Variants in STMN2 observed in about 807,000 individuals in gnomAD.
STMN2 encodes stathmin-2.
STMN2 carries 2 observed loss-of-function variants against 24.1 expected under a neutral mutation model. The ratio of observed to expected loss-of-function variants is 0.08; its 90% CI spans 0.03 to 0.26. STMN2 has a LOEUF of 0.26. STMN2 is among the 10% of genes least tolerant of loss of function. The pLI, the probability that STMN2 is intolerant of heterozygous loss-of-function variation, is 1.00. For missense variants in STMN2, 114 were observed against 213.6 expected, an observed-to-expected ratio of 0.53 and a Z score of 2.91; for synonymous variants, 83 against 77.5, an observed-to-expected ratio of 1.07 and a Z score of -0.37.
intron 3 of STMN2, among the ~76,000 whole-genome samples, chr8:79,648,300 A>G (rs1167247167): frequency 6.6e-6 from 1 of 152,200 alleles, no homozygotes; most frequent in Non-Finnish European, 1.5e-5. Flanking sequence ...CAATAAAGAC[A>G]TATAACCAGC....
At chr8:79,645,847 A>T (rs1585900745) in intron 3 of STMN2, among the ~76,000 whole-genome samples, 2 of 152,328 alleles carry the variant, frequency 1.3e-5, no homozygotes. Flanking sequence ...CACCTAGCAC[A>T]ATTAGTAAGT....
At chr8:79,625,003 CTT>C (rs1809617864) in intron 1 of STMN2, among the ~76,000 whole-genome samples, 1 of 152,154 alleles carries the variant, frequency 6.6e-6, no homozygotes, top group African/African-American at 2.4e-5. Context: ...TTTTACAGCA[CTT>C]TGAGACATGT....
intron 1 of STMN2, among the ~76,000 whole-genome samples, chr8:79,619,444 T>A (rs1270635880): frequency 2.6e-5 from 4 of 152,194 alleles, no homozygotes; most frequent in Non-Finnish European, 5.9e-5. Context: ...AAACCTATTA[T>A]AATAATAGTT....
At chr8:79,614,511 G>A (rs2130290603) in intron 1 of STMN2, among the ~76,000 whole-genome samples, 1 of 152,334 alleles carries the variant, frequency 6.6e-6, no homozygotes, top group African/African-American at 2.4e-5. Flanking sequence ...TGAGTAAGCT[G>A]AGCCTGCAAT....
At chr8:79,643,206 G>GGAACCT (rs1401156698) in intron 3 of STMN2, among the ~76,000 whole-genome samples, 1 of 142,626 alleles carries the variant, frequency 7.0e-6, no homozygotes, top group East Asian at 2.0e-4. Flanking sequence ...TTAAAAAACA[G>GGAACCT]GAACCTGAGC....
intron 1 of STMN2, among the ~76,000 whole-genome samples, chr8:79,635,917 A>AAAAG (rs1042109050): frequency 7.2e-5 from 11 of 152,132 alleles, no homozygotes; most frequent in East Asian, 1.9e-4. Context: ...AATTAAAAAA[A>AAAAG]AAAGAAAGAA....
chr8:79,621,531 C>G lies in STMN2; in HGVS notation c.19+10317C>G, dbSNP rs552812311. On this transcript the variant is annotated intron_variant, in intron 1 of 4. Coordinates refer to ENST00000220876, the MANE Select transcript of STMN2 (RefSeq NM_007029.4). Reference sequence around the variant, plus strand: ...TTGTGATTAGAACCCACCTGGCCAGCCCTTCTTCCTCCTAAAGAAGAGCCT... The same window carrying G: ...TTGTGATTAGAACCCACCTGGCCAGGCCTTCTTCCTCCTAAAGAAGAGCCT... Among the ~76,000 whole-genome samples the G allele has an allele frequency of 6.6e-5, 10 of 152,320 alleles. No individual in the cohort carries two copies. The East Asian group carries it at 1.7e-3, about 26-fold the overall frequency.
At position 79,641,471 on chromosome 8, in the gene STMN2, C is replaced by G; in HGVS notation, c.209C>G (p.Thr70Ser). The change falls in exon 3 of 5, where the codon ACT (threonine) becomes AGT (serine). Residue 70 changes from threonine to serine, a missense_variant. By Grantham distance (58) the Thr-to-Ser change is moderately conservative (BLOSUM62 1). Coordinates refer to ENST00000220876, the MANE Select transcript of STMN2 (RefSeq NM_007029.4). ...PPSPISEAPR[T>S]LASPKKKDLS... ...TCTCCTATCTCAGAAGCCCCACGAA[C>G]TTTAGCTTCTCCAAAGAAGAAAGAC... 6.2e-7 allele frequency: 1 copy of G among 1,614,090 alleles called. No homozygotes were observed.
chr8:79,646,142 A>T (rs953691205), intron 3 of STMN2, among the ~76,000 whole-genome samples: 2 of 152,082 alleles, frequency 1.3e-5, no homozygotes, highest in African/African-American at 2.4e-5. Context: ...CCACCCTCCC[A>T]TCCTAAAACA....
intron 3 of STMN2, 24 bp downstream of exon 3, chr8:79,641,574 TTC>T: frequency 6.3e-7 from 1 of 1,593,678 alleles, no homozygotes; most frequent in Non-Finnish European, 8.5e-7. Context: ...TAGGTTTTCC[TTC>T]TCTCTCTCCC....
chr8:79,656,106 TCA>T (rs1253030199), intron 4 of STMN2, among the ~76,000 whole-genome samples: 20 of 152,214 alleles, frequency 1.3e-4, no homozygotes, highest in Admixed American at 1.3e-3. Context: ...GTTTTCATTC[TCA>T]GTCTCTGACT....
chr8:79,654,854 A>G lies in STMN2; in HGVS notation c.289-17A>G. ...GTGTTTGGATAATTATAAGATGGCT[A>G]TGTTTTTCTTCCCCAGTCTCAGGAG... On this transcript the variant is annotated splice_polypyrimidine_tract_variant and intron_variant, in intron 3 of 4. Coordinates refer to ENST00000220876, the MANE Select transcript of STMN2 (RefSeq NM_007029.4). 6.2e-7 allele frequency: 1 copy of G among 1,607,028 alleles called. No individual in the cohort carries two copies.
At chr8:79,626,118 C>T (rs1052874779) in intron 1 of STMN2, among the ~76,000 whole-genome samples, 1 of 149,276 alleles carries the variant, frequency 6.7e-6, no homozygotes, top group Non-Finnish European at 1.5e-5. Context: ...GATAAATAAA[C>T]TCATGTTCAG....
chr8:79,664,193 A>G (rs555383766), intron 4 of STMN2, among the ~76,000 whole-genome samples: 1 of 152,364 alleles, frequency 6.6e-6, no homozygotes, highest in South Asian at 2.1e-4. Flanking sequence ...GAAAAGGACA[A>G]TGGTCATAGG....
rs989100677 is a variant in STMN2 at position 79,665,753 on chromosome 8, C to T, written c.*879C>T. 3.2e-5 allele frequency: 5 copies of T among 153,990 alleles called. No individual in the cohort carries two copies. Among genetic ancestry groups the T allele is most frequent in the Non-Finnish European group, 5.9e-5 (4 of 68,218 alleles). The allele number at this position is 153,990 out of a possible 1,614,324, so 9.5% of individuals were successfully genotyped here. A position where few individuals can be genotyped will look rare whatever the true frequency, so the allele number is the denominator to read the frequency against. ...GATGATGTTCATTTTAAGCTCTTAC[C>T]TATAGTACAAGTACATGATGCTACT... On this transcript the variant is annotated 3_prime_UTR_variant, in exon 5 of 5. Coordinates refer to ENST00000220876, the MANE Select transcript of STMN2 (RefSeq NM_007029.4).
At chr8:79,647,828 A>T (rs759713361) in intron 3 of STMN2, among the ~76,000 whole-genome samples, 2 of 152,340 alleles carry the variant, frequency 1.3e-5, no homozygotes, top group African/African-American at 4.8e-5. Context: ...TCTTGAAATC[A>T]AAGTTTCCAT....
At chr8:79,658,301 G>A (rs1806420425) in intron 4 of STMN2, among the ~76,000 whole-genome samples, 1 of 151,858 alleles carries the variant, frequency 6.6e-6, no homozygotes, top group African/African-American at 2.4e-5. Context: ...ACAAGACCCT[G>A]TCTCTAAAAT....
intron 4 of STMN2, among the ~76,000 whole-genome samples, chr8:79,663,033 C>T (rs10088737): frequency 0.32 from 47,939 of 151,942 alleles, 9,525 homozygotes; most frequent in Non-Finnish European, 0.45. Flanking sequence ...ATGCATGCCT[C>T]TTTCCTTCTC....
At chr8:79,640,094 G>A (rs2130356372) in intron 2 of STMN2, among the ~76,000 whole-genome samples, 1 of 152,326 alleles carries the variant, frequency 6.6e-6, no homozygotes. Context: ...CAGCTACTCA[G>A]GAGGCTGAGG....
Sources: gnomAD v4.1 joint callset for allele counts (sites outside exome capture counted in the v4.1 genomes callset) on GRCh38, gnomAD v4.1.1 for gene constraint, MANE v1.5 for transcripts, NCBI Gene and HGNC (gene_info 2026-07-23, HGNC 2026-07-21) for gene names.